The following NINJ2 variants were observed in gnomAD, a reference collection of about 807,000 sequenced individuals.
NINJ2 encodes the protein ninjurin-2.
A neutral mutation model predicts 11.7 loss-of-function variants in NINJ2; 12 were observed. The observed-to-expected ratio is 1.02, with a 90% CI of 0.66 to 1.66. The LOEUF (loss-of-function observed/expected upper bound fraction) is 1.66. Among genes scored for constraint, NINJ2 ranks in the 40% most tolerant of loss-of-function variants. The pLI is 0.00. For missense variants in NINJ2, 187 were observed against 181.8 expected (o/e 1.03, Z -0.16); for synonymous variants, 93 against 76.8 (o/e 1.21, Z -1.10).
chr12:657,988 C>CTT lies in NINJ2; in HGVS notation c.33+5338_33+5339dup, dbSNP rs1164230214. ...GTGTTTACACAAAAACCTACACAGG[C>CTT]TTTTTTTTTTTTTTTTTTTTTTTTT... On this transcript the variant is annotated intron_variant, in intron 1 of 3. Coordinates refer to ENST00000305108, the MANE Select transcript of NINJ2 (RefSeq NM_016533.6). Among the ~76,000 whole-genome samples, 392 of 54,406 alleles carry CTT rather than the reference C, an allele frequency of 7.2e-3. 62 individuals carry two copies. Among genetic ancestry groups the CTT allele is most frequent in the African/African-American group, 0.011 (142 of 13,428 alleles). The allele number at this position is 54,406 out of a possible 152,430, so 35.7% of individuals were successfully genotyped here.
At chr12:566,615 C>T (rs1423549136) in intron 1 of NINJ2, among the ~76,000 whole-genome samples, 2 of 152,204 alleles carry the variant, frequency 1.3e-5, no homozygotes, top group African/African-American at 2.4e-5. Flanking sequence ...GAGAAAGGCA[C>T]CTCCTCTCGC....
At chr12:613,595 C>G (rs1254592270) in intron 1 of NINJ2, among the ~76,000 whole-genome samples, 1 of 151,126 alleles carries the variant, frequency 6.6e-6, no homozygotes, top group Admixed American at 6.6e-5. Context: ...GGAGACAGAA[C>G]GAGACTCTGT....
chr12:629,559 C>T (rs560967650), intron 1 of NINJ2, among the ~76,000 whole-genome samples: 8 of 152,250 alleles, frequency 5.3e-5, no homozygotes, highest in East Asian at 1.9e-4. Context: ...GCTTTGAACG[C>T]GGCCCAAAAC....
At chr12:595,660 G>C (rs1417684619) in intron 1 of NINJ2, among the ~76,000 whole-genome samples, 1 of 152,146 alleles carries the variant, frequency 6.6e-6, no homozygotes, top group East Asian at 1.9e-4. Context: ...GGCTGAGGCA[G>C]GAGAATGGCT....
At position 565,242 on chromosome 12, in the gene NINJ2, G is replaced by A; in HGVS notation, c.422C>T (p.Pro141Leu). The A allele has an allele frequency of 8.7e-6, 14 of 1,613,652 alleles. No homozygotes were observed. Among genetic ancestry groups the A allele is most frequent in the Non-Finnish European group, 1.1e-5 (13 of 1,179,714 alleles). Reference sequence around the variant, plus strand: ...CTGGGTCCCAGGCTGCATTCAGAGAGGATTCCTTGAGGCCCTGGCAGCCAG... The same window carrying A: ...CTGGGTCCCAGGCTGCATTCAGAGAAGATTCCTTGAGGCCCTGGCAGCCAG... ...GFLAARASRN[P>L]L is the part of the protein sequence containing the mutation. Residue 141 changes from proline (P) to leucine (L), a missense_variant, in exon 3 of 4, where the codon CCT becomes CTT. By Grantham distance (98) the Pro-to-Leu change is moderately conservative. Coordinates refer to ENST00000305108, the MANE Select transcript of NINJ2 (RefSeq NM_016533.6).
At chr12:635,846 G>A (rs1315602174) in intron 1 of NINJ2, among the ~76,000 whole-genome samples, 3 of 152,210 alleles carry the variant, frequency 2.0e-5, no homozygotes, top group African/African-American at 4.8e-5. Flanking sequence ...AGGCCGAGGC[G>A]GGCAGATCAT....
chr12:656,374 A>G (rs2120540294), intron 1 of NINJ2, among the ~76,000 whole-genome samples: 1 of 152,042 alleles, frequency 6.6e-6, no homozygotes, highest in East Asian at 1.9e-4. Flanking sequence ...AAATAAAATA[A>G]AATAAAATAA....
intron 1 of NINJ2, among the ~76,000 whole-genome samples, chr12:582,448 CGCAG>C (rs1220881990): frequency 9.1e-6 from 1 of 109,980 alleles, no homozygotes. Flanking sequence ...AATGAATGGA[CGCAG>C]GCAGGCAGGC....
At chr12:658,201 G>T (rs1937898476) in intron 1 of NINJ2, among the ~76,000 whole-genome samples, 1 of 151,898 alleles carries the variant, frequency 6.6e-6, no homozygotes, top group Non-Finnish European at 1.5e-5. Flanking sequence ...GTTTCACCAT[G>T]TTAGCGATAG....
At chr12:637,590 A>G (rs1464932611) in intron 1 of NINJ2, among the ~76,000 whole-genome samples, 1 of 151,636 alleles carries the variant, frequency 6.6e-6, no homozygotes, top group East Asian at 1.9e-4. Context: ...GCAGTGAGCC[A>G]AGATTGTACC....
In NINJ2 at chr12:580,837, T is replaced by C. The variant is rs990044532; in HGVS notation, c.34-14659A>G. On this transcript the variant is annotated intron_variant, in intron 1 of 3. Coordinates refer to ENST00000305108, the MANE Select transcript of NINJ2 (RefSeq NM_016533.6). This position sits in a 1 kb window ranked among gnomAD's most constrained non-coding sequence, Gnocchi z 4.7. ...GTGTATGCGTGTGTGTCTGTGTGTATGCATGTGTGTCTGTGTGTGCATGAG... is the reference window on the plus strand; with the variant it reads ...GTGTATGCGTGTGTGTCTGTGTGTACGCATGTGTGTCTGTGTGTGCATGAG... Among the ~76,000 whole-genome samples, 2 of 151,490 alleles carry C rather than the reference T, an allele frequency of 1.3e-5. No individual in the cohort carries two copies. The highest frequency in any genetic ancestry group is 2.4e-5 in the African/African-American group (1 of 40,916).
chr12:634,287 T>TTTTTTTTTTTTTTTTTTTTTTTC (rs1948319431), intron 1 of NINJ2, among the ~76,000 whole-genome samples: 1 of 138,196 alleles, frequency 7.2e-6, no homozygotes, highest in Non-Finnish European at 1.6e-5. Context: ...TTTTTTTTTT[T>TTTTTTTTTTTTTTTTTTTTTTTC]TTTGCACTGT....
intron 1 of NINJ2, chr12:610,325 C>T (rs531031980): frequency 2.0e-6 from 3 of 1,533,042 alleles, no homozygotes; most frequent in Admixed American, 3.9e-5. Context: ...GTGAAGATCC[C>T]GTGGCCAGAG....
chr12:615,317 T>C (rs1456307011), intron 1 of NINJ2, among the ~76,000 whole-genome samples: 1 of 152,158 alleles, frequency 6.6e-6, no homozygotes, highest in South Asian at 2.1e-4. Flanking sequence ...ACTAAGAAAC[T>C]CTGGCTCATG....
chr12:629,603 C>A (rs1948246808), intron 1 of NINJ2, among the ~76,000 whole-genome samples: 1 of 151,952 alleles, frequency 6.6e-6, no homozygotes, highest in Non-Finnish European at 1.5e-5. Context: ...ATTATGAGTT[C>A]TTGGTTGGGC....
chr12:575,228 G>C (rs1362807057), intron 1 of NINJ2, among the ~76,000 whole-genome samples: 1 of 152,154 alleles, frequency 6.6e-6, no homozygotes, highest in African/African-American at 2.4e-5. Context: ...ACCTGCATTG[G>C]GTCTCCAGGG....
chr12:573,103 G>T (rs1382317029), intron 1 of NINJ2, among the ~76,000 whole-genome samples: 1 of 147,048 alleles, frequency 6.8e-6, no homozygotes, highest in Non-Finnish European at 1.5e-5. Context: ...TCAGCTCACT[G>T]CAAGCTCCGC....
intron 1 of NINJ2, among the ~76,000 whole-genome samples, chr12:578,807 CTTT>C (rs1947507204): frequency 1.3e-5 from 2 of 152,180 alleles, no homozygotes; most frequent in Non-Finnish European, 2.9e-5. Context: ...TCCAAACTGT[CTTT>C]TGAACCAGCA....
intron 1 of NINJ2, among the ~76,000 whole-genome samples, chr12:609,340 C>CA (rs1947992882): frequency 9.4e-6 from 1 of 106,208 alleles, no homozygotes; most frequent in Non-Finnish European, 2.2e-5. Flanking sequence ...ACGCACGGCG[C>CA]CACGCTAGGT....
Sources: gnomAD v4.1 joint callset for allele counts (sites outside exome capture counted in the v4.1 genomes callset) on GRCh38, gnomAD v4.1.1 for gene constraint, Gnocchi (gnomAD v3.1) non-coding constraint, MANE v1.5 for transcripts, NCBI Gene and HGNC (gene_info 2026-07-23, HGNC 2026-07-21) for gene names.